Variants in LRTM1 observed in about 807,000 individuals in gnomAD.
The protein encoded by LRTM1 is leucine-rich repeat and transmembrane domain-containing protein 1.
In LRTM1, 38 loss-of-function variants were observed where a neutral mutation model predicts 32.4. The observed-to-expected ratio is 1.17, with a 90% CI of 0.91 to 1.54. The LOEUF (loss-of-function observed/expected upper bound fraction) is 1.54, where lower values mean the gene tolerates loss of function less well. LRTM1 is among the 40% of genes most tolerant of loss of function. The probability of loss-of-function intolerance (pLI) is 0.00; values close to 1 mark genes in which losing one functional copy is unlikely to be tolerated. For synonymous variants in LRTM1, 186 were observed against 169.9 expected (o/e 1.09, Z -0.74); for missense variants, 466 against 415.4 (o/e 1.12, Z -1.06).
At chr3:54,949,908 A>G (rs973071684) in intron 1 of LRTM1, among the ~76,000 whole-genome samples, 1 of 152,186 alleles carries the variant, frequency 6.6e-6, no homozygotes, top group African/African-American at 2.4e-5. Flanking sequence ...ATTCATGTCT[A>G]GTCTACCTGA....
intron 1 of LRTM1, among the ~76,000 whole-genome samples, chr3:54,950,747 G>A (rs949827408): frequency 6.6e-6 from 1 of 152,142 alleles, no homozygotes; most frequent in Non-Finnish European, 1.5e-5. Flanking sequence ...CAGTTGAGCT[G>A]AGCCTCAGAT....
chr3:54,955,958 A>G (rs1701879668), intron 1 of LRTM1, among the ~76,000 whole-genome samples: 1 of 152,188 alleles, frequency 6.6e-6, no homozygotes, highest in South Asian at 2.1e-4. Context: ...TCTCCACTCC[A>G]GGGCTGACTC....
At chr3:54,923,110 G>A (rs1456717894) in intron 2 of LRTM1, among the ~76,000 whole-genome samples, 6 of 152,142 alleles carry the variant, frequency 3.9e-5, no homozygotes, top group African/African-American at 4.8e-5. Flanking sequence ...TCTCCCAAGA[G>A]TCTACAGAGT....
chr3:54,925,336 G>T, intron 1 of LRTM1, 121 bp from the exon 2 acceptor site: 2 of 764,814 alleles, frequency 2.6e-6, no homozygotes, highest in South Asian at 1.8e-5. Flanking sequence ...TCTACAACCT[G>T]CAAGAGAGGT....
intron 1 of LRTM1, among the ~76,000 whole-genome samples, chr3:54,933,130 G>T (rs2106961309): frequency 7.2e-6 from 1 of 138,490 alleles, no homozygotes; most frequent in South Asian, 2.3e-4. Flanking sequence ...CTGGACCTCT[G>T]CCTTTGGATT....
chr3:54,944,771 A>G (rs922741849), intron 1 of LRTM1, among the ~76,000 whole-genome samples: 6 of 151,442 alleles, frequency 4.0e-5, no homozygotes, highest in African/African-American at 1.5e-4. Flanking sequence ...AGACACAATA[A>G]CTTCTTTTAT....
At chr3:54,961,743 T>A (rs921153725) in intron 1 of LRTM1, among the ~76,000 whole-genome samples, 7 of 152,296 alleles carry the variant, frequency 4.6e-5, no homozygotes, top group African/African-American at 1.7e-4. Flanking sequence ...TCTAACCTTG[T>A]CCTGAGTATG....
upstream of LRTM1, among the ~76,000 whole-genome samples, chr3:54,929,602 C>T (rs552943026): frequency 3.3e-5 from 5 of 151,694 alleles, no homozygotes; most frequent in South Asian, 2.1e-4. Flanking sequence ...GCCCACTTTA[C>T]GCAACCTGCC....
chr3:54,934,388 G>C (rs1220522209), intron 1 of LRTM1, among the ~76,000 whole-genome samples: 1 of 140,532 alleles, frequency 7.1e-6, no homozygotes, highest in Non-Finnish European at 1.5e-5. Flanking sequence ...AAAGTGGGGA[G>C]GTTGTGTTCA....
chr3:54,945,945 A>G (rs1701602082), intron 1 of LRTM1, among the ~76,000 whole-genome samples: 3 of 152,322 alleles, frequency 2.0e-5, no homozygotes, highest in Admixed American at 6.5e-5. Context: ...CCTGACCTCT[A>G]TCCCGGCTCC....
At chr3:54,940,043 GA>G (rs149761832) in intron 1 of LRTM1, among the ~76,000 whole-genome samples, 17,910 of 152,216 alleles carry the variant, frequency 0.12, 1,055 homozygotes, top group Middle Eastern at 0.15. Context: ...GGAAGATGGA[GA>G]AGGTGGAGCT....
intron 2 of LRTM1, 22 bp downstream of exon 2, chr3:54,924,597 G>C (rs765946517): frequency 4.9e-5 from 76 of 1,566,344 alleles, no homozygotes; most frequent in East Asian, 6.7e-5. Context: ...CAGATGGGGG[G>C]TTCCAAATAG....
At chr3:54,928,082 T>C (rs757772328), upstream of LRTM1, 2 of 639,540 alleles carry the variant, frequency 3.1e-6, no homozygotes, top group Admixed American at 2.5e-5. Flanking sequence ...CAAAAGACCA[T>C]TTATTTAAGC....
intron 1 of LRTM1, 119 bp from the exon 2 acceptor site, chr3:54,925,334 C>T (rs1465789923): frequency 2.5e-6 from 2 of 788,008 alleles, no homozygotes; most frequent in Non-Finnish European, 4.1e-6. Flanking sequence ...CTTCTACAAC[C>T]TGCAAGAGAG....
chr3:54,934,489 A>T (rs1439362147), intron 1 of LRTM1, among the ~76,000 whole-genome samples: 1 of 152,214 alleles, frequency 6.6e-6, no homozygotes, highest in Admixed American at 6.5e-5. Flanking sequence ...TATGAATATC[A>T]GCGGAGTTTG....
At chr3:54,934,324 C>T (rs1701277001) in intron 1 of LRTM1, among the ~76,000 whole-genome samples, 1 of 152,068 alleles carries the variant, frequency 6.6e-6, no homozygotes, top group East Asian at 1.9e-4. Flanking sequence ...AACATAGTTC[C>T]CTCTTGAGCC....
intron 2 of LRTM1, among the ~76,000 whole-genome samples, chr3:54,921,427 T>C (rs1362857808): frequency 1.3e-5 from 2 of 152,110 alleles, no homozygotes; most frequent in Non-Finnish European, 2.9e-5. Flanking sequence ...TGAAGATGAC[T>C]TGTTTACTAG....
At position 54,918,267 on chromosome 3, in the gene LRTM1, A is replaced by T. The variant is rs529389820; in HGVS notation, c.*192T>A. 2 of 594,722 alleles carry T rather than the reference A, an allele frequency of 3.4e-6. No individual in the cohort carries two copies. The highest frequency in any genetic ancestry group is 5.8e-5 in the East Asian group (2 of 34,486). 36.8% of individuals were successfully genotyped at this position (594,722 alleles called of 1,614,324 possible). A position where few individuals can be genotyped will look rare whatever the true frequency, so the allele number is the denominator to read the frequency against. On this transcript the variant is annotated 3_prime_UTR_variant, in exon 3 of 3. Transcript: ENST00000273286. Reference sequence around the variant, plus strand: ...GTATCATCTTTATTTTACCTATAGTATTTTAAAAATCGCAACATAAATTCC... The same window carrying T: ...GTATCATCTTTATTTTACCTATAGTTTTTTAAAAATCGCAACATAAATTCC...
intron 1 of LRTM1, among the ~76,000 whole-genome samples, chr3:54,938,622 C>G (rs1418041914): frequency 6.6e-6 from 1 of 151,694 alleles, no homozygotes; most frequent in Non-Finnish European, 1.5e-5. Flanking sequence ...CTTAGTTACC[C>G]CCACCCCCAA....
Sources: gnomAD v4.1 joint callset for allele counts (sites outside exome capture counted in the v4.1 genomes callset) on GRCh38, gnomAD v4.1.1 for gene constraint, MANE v1.5 for transcripts, NCBI Gene and HGNC (gene_info 2026-07-23, HGNC 2026-07-21) for gene names.